Variants in SLAIN2 observed in about 807,000 individuals in gnomAD.
The protein encoded by SLAIN2 is SLAIN family member 2, also known as SLAIN motif-containing protein 2.
In SLAIN2, 31 loss-of-function variants were observed where a neutral mutation model predicts 56.6. That is an observed-to-expected ratio of 0.55 (90% CI 0.41 to 0.74). SLAIN2 has a LOEUF of 0.74. SLAIN2 is among the 30% of genes least tolerant of loss of function. The pLI is 0.00. For synonymous variants in SLAIN2, 317 were observed against 284.9 expected (o/e 1.11, Z -1.13); for missense variants, 777 against 754.2 (o/e 1.03, Z -0.35).
At chr4:48,409,751 G>A (rs545008357) in intron 6 of SLAIN2, among the ~76,000 whole-genome samples, 2 of 152,110 alleles carry the variant, frequency 1.3e-5, no homozygotes, top group Non-Finnish European at 2.9e-5. Context: ...GGGTGTGGTG[G>A]TGGGCGCCTG....
Position 48,422,149 on chromosome 4 carries a change from T to C in SLAIN2, c.*72T>C. ...TCACCAGGCTAAAAAACAACTTTTA[T>C]ATGCAGACTGTTCAGATAAGACTCT... On this transcript the variant is annotated 3_prime_UTR_variant, in exon 8 of 8. Transcript: ENST00000264313. The C allele has an allele frequency of 8.8e-7, 1 of 1,137,486 alleles. No homozygotes were observed. The highest frequency in any genetic ancestry group is 1.3e-6 in the Non-Finnish European group (1 of 767,740). 70.5% of individuals were successfully genotyped at this position (1,137,486 alleles called of 1,614,324 possible). A position where few individuals can be genotyped will look rare whatever the true frequency, so the allele number is the denominator to read the frequency against.
chr4:48,365,540 C>G (rs1202049857), intron 1 of SLAIN2, among the ~76,000 whole-genome samples: 2 of 149,412 alleles, frequency 1.3e-5, no homozygotes, highest in East Asian at 3.9e-4. Flanking sequence ...TTCCTTCTGG[C>G]TACTTTGGGT....
chr4:48,356,691 G>T (rs1715164955), intron 1 of SLAIN2, among the ~76,000 whole-genome samples: 1 of 152,092 alleles, frequency 6.6e-6, no homozygotes, highest in Non-Finnish European at 1.5e-5. Flanking sequence ...TTATGGTTCA[G>T]CACTAGAAGT....
intron 1 of SLAIN2, among the ~76,000 whole-genome samples, chr4:48,353,998 T>G (rs1436988940): frequency 6.6e-6 from 1 of 152,128 alleles, no homozygotes; most frequent in Non-Finnish European, 1.5e-5. Flanking sequence ...TTTTGAGGGT[T>G]TTTGGGGGGA....
At chr4:48,367,130 C>T (rs1240782170) in intron 1 of SLAIN2, among the ~76,000 whole-genome samples, 1 of 152,166 alleles carries the variant, frequency 6.6e-6, no homozygotes, top group Non-Finnish European at 1.5e-5. Flanking sequence ...CTCTGTCCTG[C>T]TAAAGGTGAA....
At chr4:48,379,179 A>C (rs780313794) in intron 3 of SLAIN2, among the ~76,000 whole-genome samples, 1 of 152,166 alleles carries the variant, frequency 6.6e-6, no homozygotes, top group Non-Finnish European at 1.5e-5. Context: ...GGCATAATGT[A>C]GGAGAAACAA....
At chr4:48,405,870 T>A (rs1716680810) in intron 6 of SLAIN2, among the ~76,000 whole-genome samples, 1 of 152,218 alleles carries the variant, frequency 6.6e-6, no homozygotes, top group Non-Finnish European at 1.5e-5. Flanking sequence ...TCTTTCCCTT[T>A]ATTTACTAGT....
intron 6 of SLAIN2, among the ~76,000 whole-genome samples, chr4:48,385,011 G>C (rs1470560060): frequency 6.6e-6 from 1 of 152,150 alleles, no homozygotes; most frequent in Non-Finnish European, 1.5e-5. Flanking sequence ...TTTAAAGAAA[G>C]ATTTGAAGGT....
At chr4:48,380,465 C>CATTAA (rs149557018) in intron 4 of SLAIN2, among the ~76,000 whole-genome samples, 1 of 152,070 alleles carries the variant, frequency 6.6e-6, no homozygotes. Context: ...GGAATTGTGA[C>CATTAA]ATTAAATTAA....
At chr4:48,366,955 AGT>A (rs1414761657) in intron 1 of SLAIN2, among the ~76,000 whole-genome samples, 1 of 152,218 alleles carries the variant, frequency 6.6e-6, no homozygotes, top group Admixed American at 6.5e-5. Flanking sequence ...GAAATTCTAA[AGT>A]GTCAAAATGA....
At chr4:48,355,220 C>A (rs893232722) in intron 1 of SLAIN2, among the ~76,000 whole-genome samples, 8 of 152,216 alleles carry the variant, frequency 5.3e-5, no homozygotes, top group African/African-American at 1.9e-4. Context: ...AAATGCCACG[C>A]TCTCTTATGA....
Position 48,383,784 on chromosome 4 carries a change from A to G in SLAIN2, c.1360A>G (p.Ile454Val), listed in dbSNP as rs763527437. 1.2e-6 allele frequency: 2 copies of G among 1,611,294 alleles called. No homozygotes were observed. Among genetic ancestry groups the G allele is most frequent in the Admixed American group, 1.7e-5 (1 of 59,792 alleles). The part of the protein sequence containing the change: ...IPRMQPQASA[I>V]PSPGKFRSPA... The stretch of plus-strand genomic sequence containing the variant: ...TCGTATGCAACCTCAGGCTTCAGCC[A>G]GTAAGTATCCTTCTTATGCTTTCAT... Residue 454 changes from isoleucine to valine, a missense_variant and splice_region_variant, in exon 6 of 8, where the codon ATA (isoleucine) becomes GTA (valine). Transcript: ENST00000264313.
At chr4:48,382,497 T>C in intron 4 of SLAIN2, 71 bp from the exon 5 acceptor site, 2 of 1,364,924 alleles carry the variant, frequency 1.5e-6, no homozygotes, top group East Asian at 5.2e-5. Flanking sequence ...TGATAATCTT[T>C]TACTTTAAAT....
intron 6 of SLAIN2, among the ~76,000 whole-genome samples, chr4:48,410,538 A>G (rs1199562516): frequency 6.6e-6 from 1 of 151,968 alleles, no homozygotes; most frequent in East Asian, 1.9e-4. Flanking sequence ...CTTCTGCTCT[A>G]CCCCACCTGC....
intron 6 of SLAIN2, among the ~76,000 whole-genome samples, chr4:48,417,939 G>T (rs571999556): frequency 6.6e-6 from 1 of 152,134 alleles, no homozygotes; most frequent in African/African-American, 2.4e-5. Context: ...GTCAGTGTTT[G>T]TATTTTTATC....
intron 2 of SLAIN2, among the ~76,000 whole-genome samples, chr4:48,371,010 A>G (rs566271103): frequency 3.3e-5 from 5 of 152,208 alleles, no homozygotes; most frequent in Middle Eastern, 3.4e-3. Flanking sequence ...ACGGGATGTT[A>G]TTACAGAGGT....
chr4:48,414,427 A>G lies in SLAIN2; in HGVS notation c.1361-5698A>G, dbSNP rs375451107. Among the ~76,000 whole-genome samples, 4 of 152,300 alleles carry G rather than the reference A, an allele frequency of 2.6e-5. No individual in the cohort carries two copies. In the East Asian group the frequency reaches 7.7e-4, roughly 29 times the overall value. On this transcript the variant is annotated intron_variant, in intron 6 of 7. Transcript: ENST00000264313. ...TGCCTTACAATTTGTTTAATATTTT[A>G]CATTTTACTAACAATTTACACATTT...
chr4:48,374,263 G>A (rs1244024549), intron 2 of SLAIN2, among the ~76,000 whole-genome samples: 3 of 152,050 alleles, frequency 2.0e-5, no homozygotes, highest in Non-Finnish European at 4.4e-5. Flanking sequence ...TGGAGACGGA[G>A]TCTTGCTCTG....
chr4:48,402,904 G>A (rs1001564432), intron 6 of SLAIN2, among the ~76,000 whole-genome samples: 3 of 152,180 alleles, frequency 2.0e-5, no homozygotes, highest in Admixed American at 6.5e-5. Flanking sequence ...TGGGGCTTTT[G>A]TGCGGTCCTT....
Sources: gnomAD v4.1 joint callset for allele counts (sites outside exome capture counted in the v4.1 genomes callset) on GRCh38, gnomAD v4.1.1 for gene constraint, MANE v1.5 for transcripts, NCBI Gene and HGNC (gene_info 2026-07-23, HGNC 2026-07-21) for gene names.